Variants in RBM20 observed in about 807,000 individuals in gnomAD.
The protein encoded by RBM20 is RNA-binding protein 20.
Under a neutral mutation model 110.1 loss-of-function variants are expected in RBM20, and 51 were observed. The observed-to-expected ratio is 0.46, with a 90% CI of 0.37 to 0.59. The LOEUF (loss-of-function observed/expected upper bound fraction) is 0.59, where lower values mean the gene tolerates loss of function less well. Ranked by LOEUF, RBM20 falls within the 20% of genes least tolerant of loss-of-function variation. The pLI is 0.00. For synonymous variants in RBM20, 589 were observed against 618.2 expected (o/e 0.95, Z 0.70); for missense variants, 1,512 against 1,574.9 (o/e 0.96, Z 0.68).
intron 1 of RBM20, among the ~76,000 whole-genome samples, chr10:110,707,985 CCA>C (rs970780109): frequency 1.6e-4 from 25 of 152,260 alleles, no homozygotes; most frequent in African/African-American, 6.0e-4. Context: ...TGTCAAGACA[CCA>C]CATGTACTCC....
intron 1 of RBM20, among the ~76,000 whole-genome samples, chr10:110,729,814 C>A (rs370284627): frequency 6.6e-6 from 1 of 152,142 alleles, no homozygotes; most frequent in Non-Finnish European, 1.5e-5. Flanking sequence ...GTCATTTCTT[C>A]CCCCTTTTAT....
chr10:110,803,108 G>A (rs567375390), intron 7 of RBM20, among the ~76,000 whole-genome samples: 5 of 152,160 alleles, frequency 3.3e-5, no homozygotes, highest in South Asian at 4.2e-4. Context: ...ATTGAGTCCC[G>A]GTACTCTGGG....
chr10:110,780,716 A>T (rs1477731934), intron 1 of RBM20, 85 bp from the exon 2 acceptor site: 2 of 1,405,696 alleles, frequency 1.4e-6, no homozygotes, highest in Admixed American at 5.7e-5. Context: ...TTTATGTGGG[A>T]GGGGGGACCA....
rs1489780922 is a variant in RBM20 at position 110,812,847 on chromosome 10, G to C, written c.2450G>C (p.Gly817Ala). 1 of 1,513,260 alleles carries C rather than the reference G, an allele frequency of 6.6e-7. No homozygotes were observed. Among genetic ancestry groups the C allele is most frequent in the Non-Finnish European group, 8.8e-7 (1 of 1,130,712 alleles). The allele number at this position is 1,513,260 out of a possible 1,614,324, so 93.7% of individuals were successfully genotyped here. The change falls in exon 9 of 14, where the codon GGC (glycine) becomes GCC (alanine). Residue 817 changes from glycine (G) to alanine (A), a missense_variant. By Grantham distance (60) the Gly-to-Ala change is moderately conservative. Coordinates refer to ENST00000369519, the MANE Select transcript of RBM20 (RefSeq NM_001134363.3). ...LGPKVTRAPE[G>A]AKAKQNEKNK... ...CCAAAGGTCACTAGGGCCCCTGAGG[G>C]CGCCAAGGCCAAGCAGAATGAGAAA...
rs1845047234 is a variant in RBM20, at chr10:110,831,166, A to G, written c.3557A>G (p.His1186Arg). Residue 1186 changes from histidine to arginine, a missense_variant, in exon 13 of 14, where the codon CAC becomes CGC. His to Arg is a conservative substitution (Grantham distance 29). Around this residue, in one of 3 missense-constraint regions of RBM20, gnomAD observed 358 missense variants for 384.2 expected, o/e 0.93. Coordinates refer to ENST00000369519, the MANE Select transcript of RBM20 (RefSeq NM_001134363.3). ...ATGAGCCACTGCCGCAGCGCTGTCC[A>G]CTACAGGAACTTACAGGTAAAAATC... ...AKMSHCRSAV[H>R]YRNLQKYLSQ... 13 of 1,551,266 alleles carry G rather than the reference A, an allele frequency of 8.4e-6. No homozygotes were observed. The highest frequency in any genetic ancestry group is 1.1e-5 in the Non-Finnish European group (13 of 1,146,658).
At chr10:110,777,281 C>T (rs552780445) in intron 1 of RBM20, among the ~76,000 whole-genome samples, 1 of 152,320 alleles carries the variant, frequency 6.6e-6, no homozygotes, top group South Asian at 2.1e-4. Flanking sequence ...AGTGGGAAGA[C>T]AGCAGGAGAC....
At chr10:110,649,607 A>G (rs1861918530) in intron 1 of RBM20, among the ~76,000 whole-genome samples, 1 of 152,184 alleles carries the variant, frequency 6.6e-6, no homozygotes, top group Non-Finnish European at 1.5e-5. Context: ...TCTGATTTTT[A>G]TTTCCTGCCA....
At chr10:110,712,446 C>A (rs1354329573) in intron 1 of RBM20, among the ~76,000 whole-genome samples, 1 of 152,172 alleles carries the variant, frequency 6.6e-6, no homozygotes, top group Non-Finnish European at 1.5e-5. Flanking sequence ...TAGAATATTT[C>A]AATCTTTATT....
chr10:110,801,208 C>G (rs1305806883), intron 7 of RBM20, among the ~76,000 whole-genome samples: 1 of 152,128 alleles, frequency 6.6e-6, no homozygotes, highest in African/African-American at 2.4e-5. Flanking sequence ...GTGGGTGGAT[C>G]ACGAGGTCAG....
chr10:110,644,364 G>A lies in RBM20; in HGVS notation c.-91G>A. The A allele has an allele frequency of 5.5e-6, 6 of 1,081,178 alleles. No homozygotes were observed. The highest frequency in any genetic ancestry group is 7.4e-6 in the Non-Finnish European group (6 of 813,034). The allele number at this position is 1,081,178 out of a possible 1,614,324, so 67.0% of individuals were successfully genotyped here. A position where few individuals can be genotyped will look rare whatever the true frequency, so the allele number is the denominator to read the frequency against. The stretch of plus-strand genomic sequence containing the variant: ...CCACCGGGAAGGACAAGGGGACTGG[G>A]CACGGGGACCCCGGCCAGTGAGCGC... On this transcript the variant is annotated 5_prime_UTR_variant, in exon 1 of 14. Coordinates refer to ENST00000369519, the MANE Select transcript of RBM20 (RefSeq NM_001134363.3). The surrounding 1 kb of genome is among the most constrained non-coding windows in gnomAD (Gnocchi z 4.3).
At chr10:110,744,976 C>T (rs1843762459) in intron 1 of RBM20, among the ~76,000 whole-genome samples, 1 of 152,228 alleles carries the variant, frequency 6.6e-6, no homozygotes, top group Non-Finnish European at 1.5e-5. Context: ...GAGGTTACTT[C>T]TGCCTCTCCG....
At chr10:110,703,715 T>A (rs1862793209) in intron 1 of RBM20, among the ~76,000 whole-genome samples, 1 of 152,230 alleles carries the variant, frequency 6.6e-6, no homozygotes, top group South Asian at 2.1e-4. Context: ...ATCTCTTGCT[T>A]TGCCTTTTAC....
chr10:110,648,240 C>T (rs1861896954), intron 1 of RBM20, among the ~76,000 whole-genome samples: 2 of 152,294 alleles, frequency 1.3e-5, no homozygotes, highest in East Asian at 1.9e-4. Flanking sequence ...TATAGTCTTC[C>T]GTATAGCATT....
At chr10:110,667,291 C>T (rs1412841273) in intron 1 of RBM20, among the ~76,000 whole-genome samples, 2 of 152,216 alleles carry the variant, frequency 1.3e-5, no homozygotes, top group Non-Finnish European at 2.9e-5. Context: ...GTGGGTACCC[C>T]CACTGAACCC....
intron 1 of RBM20, among the ~76,000 whole-genome samples, chr10:110,677,325 CT>C (rs34113399): frequency 7.3e-5 from 11 of 149,990 alleles, no homozygotes; most frequent in East Asian, 3.9e-4. Context: ...TTTCTTTTTT[CT>C]TTTTTTTTTT....
At position 110,836,470 on chromosome 10, in the gene RBM20, C is replaced by T. The variant is rs1845131040; in HGVS notation, c.*492C>T. ...TACAGCAGTATCTCTGCCTGGTGTC[C>T]CATGTATCCCCTGCATGAGGAGCTG... is the stretch of plus-strand genomic sequence containing the variant. On this transcript the variant is annotated 3_prime_UTR_variant, in exon 14 of 14. Transcript: ENST00000369519. 6.6e-6 allele frequency: 1 copy of T among 152,220 alleles called. No homozygotes were observed. Among genetic ancestry groups the T allele is most frequent in the Non-Finnish European group, 1.5e-5 (1 of 68,106 alleles). 9.4% of individuals were successfully genotyped at this position (152,220 alleles called of 1,614,324 possible).
intron 1 of RBM20, among the ~76,000 whole-genome samples, chr10:110,661,195 C>T (rs967625933): frequency 6.6e-6 from 1 of 152,200 alleles, no homozygotes; most frequent in African/African-American, 2.4e-5. Context: ...AGGATATGAA[C>T]TATATGGGCT....
intron 1 of RBM20, among the ~76,000 whole-genome samples, chr10:110,680,342 C>G (rs996006267): frequency 1.3e-5 from 2 of 152,146 alleles, no homozygotes; most frequent in African/African-American, 4.8e-5. Context: ...TTTTCCCTGT[C>G]TGAATGGTCC....
At chr10:110,729,797 C>T (rs1343578556) in intron 1 of RBM20, among the ~76,000 whole-genome samples, 1 of 152,148 alleles carries the variant, frequency 6.6e-6, no homozygotes, top group East Asian at 1.9e-4. Context: ...CTGTCAGGAA[C>T]ATTAATGTCA....
Sources: gnomAD v4.1 joint callset for allele counts (sites outside exome capture counted in the v4.1 genomes callset) on GRCh38, gnomAD v4.1.1 for gene constraint, gnomAD v4.1.1 regional missense constraint, Gnocchi (gnomAD v3.1) non-coding constraint, MANE v1.5 for transcripts, NCBI Gene and HGNC (gene_info 2026-07-23, HGNC 2026-07-21) for gene names.